The following CPS1 variants were observed in gnomAD, a reference collection of about 807,000 sequenced individuals.
CPS1 encodes the protein carbamoyl-phosphate synthase 1.
Under a neutral mutation model 174.6 loss-of-function variants are expected in CPS1, and 109 were observed. That is an observed-to-expected ratio of 0.62 (90% confidence interval 0.53 to 0.73). The LOEUF is 0.73. Among genes scored for constraint, CPS1 ranks in the 30% least tolerant of loss-of-function variants. CPS1 has a pLI of 0.00. For missense variants in CPS1, 1,689 were observed against 1,821.9 expected (o/e 0.93, Z 1.33); for synonymous variants, 637 against 632.0 (o/e 1.01, Z -0.12).
intron 31 of CPS1, among the ~76,000 whole-genome samples, chr2:210,659,019 T>A (rs1700819921): frequency 6.6e-6 from 1 of 152,286 alleles, no homozygotes; most frequent in East Asian, 1.9e-4. Flanking sequence ...TAGTCATAAA[T>A]TCTGTGTACT....
chr2:210,629,277 G>T (rs1699787879), intron 21 of CPS1, among the ~76,000 whole-genome samples: 1 of 152,116 alleles, frequency 6.6e-6, no homozygotes, highest in Non-Finnish European at 1.5e-5. Context: ...TAATCCAATT[G>T]GCTCAAGCAA....
Position 210,637,619 on chromosome 2 carries a change from T to C in CPS1, c.2688-83T>C, listed in dbSNP as rs186211954. 152 of 1,397,218 alleles carry C rather than the reference T, an allele frequency of 1.1e-4. No individual in the cohort carries two copies. The Admixed American group carries it at 1.4e-3, about 13-fold the overall frequency. 86.6% of individuals were successfully genotyped at this position (1,397,218 alleles called of 1,614,324 possible). A position where few individuals can be genotyped will look rare whatever the true frequency, so the allele number is the denominator to read the frequency against. ...TTTGAAGGTGGAAAATAAGAAGCCCTTGGTGTTCTTGAAATTGAACTTGTC... is the reference window on the plus strand; with the variant it reads ...TTTGAAGGTGGAAAATAAGAAGCCCCTGGTGTTCTTGAAATTGAACTTGTC... On this transcript the variant is annotated intron_variant, in intron 21 of 37. Coordinates refer to ENST00000233072, the MANE Select transcript of CPS1 (RefSeq NM_001875.5).
At chr2:210,567,220 A>G (rs1697332453) in intron 1 of CPS1, among the ~76,000 whole-genome samples, 1 of 152,108 alleles carries the variant, frequency 6.6e-6, no homozygotes, top group South Asian at 2.1e-4. Flanking sequence ...TTGAACTCAC[A>G]CTAGTGTAAG....
chr2:210,658,804 G>A, intron 31 of CPS1, 116 bp downstream of exon 31: 4 of 763,160 alleles, frequency 5.2e-6, no homozygotes, highest in Non-Finnish European at 9.2e-6. Flanking sequence ...GAGACCCCTG[G>A]ATCTGTTTGT....
intron 1 of CPS1, among the ~76,000 whole-genome samples, chr2:210,564,500 C>T (rs1340566273): frequency 1.3e-5 from 2 of 151,946 alleles, no homozygotes; most frequent in African/African-American, 4.8e-5. Context: ...CTCAGCCTCC[C>T]GAGTAGCTGG....
intron 25 of CPS1, among the ~76,000 whole-genome samples, chr2:210,644,847 CAG>C (rs1700327846): frequency 1.3e-5 from 2 of 152,152 alleles, no homozygotes; most frequent in Admixed American, 6.5e-5. Context: ...TTTTAAAAAA[CAG>C]AAAACTAAGA....
intron 18 of CPS1, among the ~76,000 whole-genome samples, chr2:210,607,896 C>G (rs1049749599): frequency 3.3e-5 from 5 of 151,800 alleles, no homozygotes; most frequent in Admixed American, 6.6e-5. Context: ...AGCAAGGACC[C>G]AAACTTGAAA....
intron 20 of CPS1, among the ~76,000 whole-genome samples, chr2:210,615,059 G>C (rs1699258769): frequency 6.6e-6 from 1 of 151,668 alleles, no homozygotes; most frequent in Non-Finnish European, 1.5e-5. Context: ...AAGAAATCAT[G>C]GATTTGACTG....
intron 4 of CPS1, 58 bp downstream of exon 4, chr2:210,577,568 A>T: frequency 8.1e-7 from 1 of 1,234,634 alleles, no homozygotes; most frequent in Non-Finnish European, 1.2e-6. Flanking sequence ...AGGTGCCTGT[A>T]GATTCAGAAG....
chr2:210,604,236 C>A (rs1367135270), intron 16 of CPS1, among the ~76,000 whole-genome samples: 2 of 151,824 alleles, frequency 1.3e-5, no homozygotes, highest in Non-Finnish European at 2.9e-5. Context: ...CCTATTAAGG[C>A]ACATTACAGA....
At chr2:210,638,764 A>G (rs578040105) in intron 22 of CPS1, among the ~76,000 whole-genome samples, 2 of 152,274 alleles carry the variant, frequency 1.3e-5, no homozygotes, top group African/African-American at 4.8e-5. Flanking sequence ...AATCCTGCGC[A>G]TTAATTTGCA....
At chr2:210,607,484 T>C (rs1453985449) in intron 18 of CPS1, among the ~76,000 whole-genome samples, 1 of 151,962 alleles carries the variant, frequency 6.6e-6, no homozygotes, top group Non-Finnish European at 1.5e-5. Flanking sequence ...GAGGGAAAGG[T>C]AATCAAAACC....
intron 1 of CPS1, among the ~76,000 whole-genome samples, chr2:210,540,313 A>C (rs75266462): frequency 0.013 from 1,933 of 152,336 alleles, 27 homozygotes; most frequent in Admixed American, 0.025. Context: ...GGAGAAGGTC[A>C]GTAAAATAAT....
chr2:210,550,191 T>G (rs573342317), intron 1 of CPS1, among the ~76,000 whole-genome samples: 1 of 152,014 alleles, frequency 6.6e-6, no homozygotes, highest in Non-Finnish European at 1.5e-5. Flanking sequence ...TTCTTCTGTC[T>G]CATTGTTCAG....
At chr2:210,571,478 A>C (rs1324367047) in intron 1 of CPS1, among the ~76,000 whole-genome samples, 2 of 151,946 alleles carry the variant, frequency 1.3e-5, no homozygotes, top group African/African-American at 4.8e-5. Context: ...AAAACTAATA[A>C]AATTATCTGT....
At chr2:210,584,314 C>G (rs1698030579) in intron 6 of CPS1, among the ~76,000 whole-genome samples, 1 of 152,054 alleles carries the variant, frequency 6.6e-6, no homozygotes, top group Admixed American at 6.6e-5. Context: ...GCAGAGATGG[C>G]TACAAACTTC....
intron 1 of CPS1, among the ~76,000 whole-genome samples, chr2:210,561,126 C>T (rs1279001772): frequency 6.6e-6 from 1 of 152,084 alleles, no homozygotes; most frequent in Non-Finnish European, 1.5e-5. Context: ...TTATTAGTCA[C>T]CAACAACGCC....
chr2:210,677,892 C>T lies in CPS1; in HGVS notation c.4410C>T (p.Thr1470=), dbSNP rs138590011. The change falls in exon 38 of 38, where the codon ACC becomes ACT. Residue 1470 remains threonine (T), a synonymous_variant. Coordinates refer to ENST00000233072, the MANE Select transcript of CPS1 (RefSeq NM_001875.5). ...TCCTACCATTATATTTTCAGGTGAC[C>T]AAACTTTTTGCTGAAGCTGTGCAGA... ...GIPLLTNFQV[T]KLFAEAVQKS... is the part of the protein sequence containing the mutation. The T allele has an allele frequency of 6.2e-7, 1 of 1,613,514 alleles. No homozygotes were observed. Among genetic ancestry groups the T allele is most frequent in the African/African-American group, 1.3e-5 (1 of 74,976 alleles).
chr2:210,519,601 G>A (rs183388949), intron 1 of CPS1: 119 of 188,288 alleles, frequency 6.3e-4, no homozygotes, highest in African/African-American at 2.7e-3. Context: ...AAACTGACAC[G>A]TTATGAGTAT....
Sources: allele counts gnomAD v4.1 joint callset (sites outside exome capture counted in the v4.1 genomes callset), GRCh38; gene constraint gnomAD v4.1.1; transcripts MANE v1.5; gene names NCBI Gene and HGNC (gene_info 2026-07-23, HGNC 2026-07-21).